PDZD2: variants seen among roughly 807,000 people sequenced by gnomAD.
The protein encoded by PDZD2 is PDZ domain containing 2.
PDZD2 carries 90 observed loss-of-function variants against 220.7 expected under a neutral mutation model. The observed-to-expected ratio is 0.41, with a 90% confidence interval of 0.34 to 0.49. The LOEUF (loss-of-function observed/expected upper bound fraction) is 0.49, where lower values mean the gene tolerates loss of function less well. Among genes scored for constraint, PDZD2 ranks in the 20% least tolerant of loss-of-function variants. The pLI, the probability that PDZD2 is intolerant of heterozygous loss-of-function variation, is 0.28. For missense variants in PDZD2, 3,174 were observed against 3,608.5 expected (o/e 0.88, Z 3.08); for synonymous variants, 1,375 against 1,450.5 (o/e 0.95, Z 1.18).
chr5:31,697,794 C>T (rs1355535779), intron 1 of PDZD2, among the ~76,000 whole-genome samples: 1 of 152,202 alleles, frequency 6.6e-6, no homozygotes, highest in Admixed American at 6.5e-5. Context: ...GCCACGAGAC[C>T]TTTGGGTCTG....
intron 2 of PDZD2, among the ~76,000 whole-genome samples, chr5:31,863,761 G>A (rs1210333038): frequency 6.6e-6 from 1 of 152,146 alleles, no homozygotes; most frequent in East Asian, 1.9e-4. Flanking sequence ...TTCCGTGGAA[G>A]TTTACACATA....
At chr5:31,700,248 A>C (rs1237003812) in intron 1 of PDZD2, among the ~76,000 whole-genome samples, 2 of 152,110 alleles carry the variant, frequency 1.3e-5, no homozygotes, top group Non-Finnish European at 2.9e-5. Context: ...ATAATGCCTG[A>C]TTTCGGGGCC....
At chr5:32,042,606 GA>G (rs1374962646) in intron 7 of PDZD2, among the ~76,000 whole-genome samples, 3 of 152,064 alleles carry the variant, frequency 2.0e-5, no homozygotes, top group Non-Finnish European at 4.4e-5. Flanking sequence ...GTGATTGACA[GA>G]ATGAGTTATT....
chr5:32,045,423 C>CTTTTTTT (rs201242107), intron 7 of PDZD2, among the ~76,000 whole-genome samples: 1 of 143,490 alleles, frequency 7.0e-6, no homozygotes, highest in Non-Finnish European at 1.5e-5. Context: ...TGTGATCTTT[C>CTTTTTTT]TTTTTTTTTT....
chr5:31,854,820 TG>T, intron 2 of PDZD2: 1 of 215,080 alleles, frequency 4.6e-6, no homozygotes, highest in Non-Finnish European at 8.0e-6. Context: ...TGGAATGCCG[TG>T]GGGTTTTGAC....
chr5:31,873,950 ACTC>A (rs1198026808), intron 2 of PDZD2, among the ~76,000 whole-genome samples: 2 of 140,446 alleles, frequency 1.4e-5, no homozygotes, highest in Non-Finnish European at 3.1e-5. Flanking sequence ...GACTGGTTGA[ACTC>A]CTAACCTCAG....
chr5:32,096,829 A>ATTTTTTT (rs71831480), intron 21 of PDZD2, among the ~76,000 whole-genome samples: 39 of 96,822 alleles, frequency 4.0e-4, no homozygotes, highest in Admixed American at 7.0e-4. Flanking sequence ...ATGTACTATG[A>ATTTTTTT]TTTTTTTTTT....
At chr5:31,652,576 C>T (rs1051245218) in intron 1 of PDZD2, among the ~76,000 whole-genome samples, 3 of 152,122 alleles carry the variant, frequency 2.0e-5, no homozygotes, top group African/African-American at 7.2e-5. Flanking sequence ...GCACATGCCA[C>T]ATAGAGAAAA....
intron 24 of PDZD2, among the ~76,000 whole-genome samples, chr5:32,104,535 C>A (rs111522700): frequency 1.3e-3 from 190 of 151,026 alleles, no homozygotes; most frequent in African/African-American, 4.3e-3. Context: ...ACCAGCCTGG[C>A]CAACATGGTG....
chr5:31,830,713 G>A (rs981393266), intron 2 of PDZD2, among the ~76,000 whole-genome samples: 2 of 152,094 alleles, frequency 1.3e-5, no homozygotes, highest in Admixed American at 1.3e-4. Flanking sequence ...CACATAAAAA[G>A]GGAAGCTGAG....
chr5:31,907,726 AC>A (rs1479896571), intron 2 of PDZD2, among the ~76,000 whole-genome samples: 22 of 151,760 alleles, frequency 1.4e-4, no homozygotes, highest in Non-Finnish European at 2.8e-4. Context: ...CTTAATCCCC[AC>A]CCCCCACTCC....
At position 32,110,280 on chromosome 5, in the gene PDZD2, A is replaced by G. The variant is rs1036910782; in HGVS notation, c.*2145A>G. On this transcript the variant is annotated 3_prime_UTR_variant, in exon 25 of 25. Transcript: ENST00000438447. ...CCTTCCGCAAGTCTTTTTAATCCTC[A>G]TATCTGGAGTACAAGGGTAGACCTC... The G allele has an allele frequency of 1.3e-5, 2 of 152,610 alleles. No individual in the cohort carries two copies. Among genetic ancestry groups the G allele is most frequent in the Admixed American group, 6.5e-5 (1 of 15,276 alleles). The allele number at this position is 152,610 out of a possible 1,614,324, so 9.5% of individuals were successfully genotyped here. A position where few individuals can be genotyped will look rare whatever the true frequency, so the allele number is the denominator to read the frequency against.
At chr5:32,106,264 G>C (rs1411381288) in intron 24 of PDZD2, 2 of 152,540 alleles carry the variant, frequency 1.3e-5, no homozygotes, top group African/African-American at 2.4e-5. Context: ...CGCATATGCA[G>C]TTCACAATAG....
chr5:31,888,311 G>A (rs190880241), intron 2 of PDZD2, among the ~76,000 whole-genome samples: 58 of 152,196 alleles, frequency 3.8e-4, no homozygotes, highest in Non-Finnish European at 6.0e-4. Context: ...TCCTGCCTCA[G>A]CCTCCTGAGT....
intron 2 of PDZD2, chr5:31,936,193 C>T (rs776187664): frequency 7.1e-6 from 7 of 987,598 alleles, no homozygotes; most frequent in Non-Finnish European, 8.4e-6. Flanking sequence ...GCACGCATGG[C>T]GCAGCTTGTA....
intron 1 of PDZD2, among the ~76,000 whole-genome samples, chr5:31,778,511 G>A (rs1050356414): frequency 3.3e-5 from 5 of 151,650 alleles, no homozygotes; most frequent in African/African-American, 9.7e-5. Context: ...CGGGAGGAAC[G>A]AACAACTCCA....
intron 2 of PDZD2, among the ~76,000 whole-genome samples, chr5:31,910,239 A>ATTTTTT (rs1743052490): frequency 5.1e-5 from 1 of 19,518 alleles, no homozygotes; most frequent in Non-Finnish European, 1.5e-4. Context: ...TTTTTTTTGG[A>ATTTTTT]GACTTAGTCT....
rs1474510334 is a variant in PDZD2, at chr5:31,780,097, A to G, written c.-360-18792A>G. Among the ~76,000 whole-genome samples the G allele has an allele frequency of 3.3e-5, 5 of 152,238 alleles. No homozygotes were observed. The South Asian group carries it at 6.2e-4, about 19-fold the overall frequency. On this transcript the variant is annotated intron_variant, in intron 1 of 24. Transcript: ENST00000438447. Reference sequence around the variant, plus strand: ...CCTCCAGCCCTCTTCTGAAGAGTTGACTTAATGGGTTTATGGAACTGCATG... The same window carrying G: ...CCTCCAGCCCTCTTCTGAAGAGTTGGCTTAATGGGTTTATGGAACTGCATG...
chr5:31,847,583 G>A (rs1258162220), intron 2 of PDZD2: 7 of 679,664 alleles, frequency 1.0e-5, no homozygotes, highest in Admixed American at 3.6e-5. Flanking sequence ...CTGCTGGCTC[G>A]GAGGCTTTTC....
Sources: gnomAD v4.1 joint callset for allele counts (sites outside exome capture counted in the v4.1 genomes callset) on GRCh38, gnomAD v4.1.1 for gene constraint, MANE v1.5 for transcripts, NCBI Gene and HGNC (gene_info 2026-07-23, HGNC 2026-07-21) for gene names.